The following AGBL1 variants were observed in gnomAD, a reference collection of about 807,000 sequenced individuals.
AGBL1 encodes AGBL carboxypeptidase 1.
In AGBL1, 130 loss-of-function variants were observed where a neutral mutation model predicts 118.9. The observed-to-expected ratio is 1.09, with a 90% CI of 0.95 to 1.26. AGBL1 has a LOEUF of 1.26. Among genes scored for constraint, AGBL1 ranks in the 50% most tolerant of loss-of-function variants. The pLI, the probability that AGBL1 is intolerant of heterozygous loss-of-function variation, is 0.00. For missense variants in AGBL1, 1,584 were observed against 1,298.1 expected (o/e 1.22, Z -3.38); for synonymous variants, 555 against 478.9 (o/e 1.16, Z -2.08).
intron 24 of AGBL1, among the ~76,000 whole-genome samples, chr15:87,013,304 G>T (rs2081579830): frequency 6.6e-6 from 1 of 152,082 alleles, no homozygotes; most frequent in African/African-American, 2.4e-5. Flanking sequence ...GCCAGCCCTG[G>T]TCTCTTTGTT....
chr15:86,468,914 C>T (rs935994726), intron 18 of AGBL1, among the ~76,000 whole-genome samples: 12 of 151,956 alleles, frequency 7.9e-5, no homozygotes, highest in Non-Finnish European at 1.8e-4. Flanking sequence ...GGCAGAGGGG[C>T]CTATGATTGA....
intron 18 of AGBL1, among the ~76,000 whole-genome samples, chr15:86,468,841 CT>C (rs2082440898): frequency 6.6e-6 from 1 of 152,138 alleles, no homozygotes; most frequent in South Asian, 2.1e-4. Flanking sequence ...AACTATTCAT[CT>C]TGAAGCTGAA....
chr15:86,331,402 T>G (rs2080266679), intron 17 of AGBL1, among the ~76,000 whole-genome samples: 1 of 63,158 alleles, frequency 1.6e-5, no homozygotes, highest in African/African-American at 7.4e-5. Context: ...CAAGAAAATT[T>G]CCCTAATCTT....
At chr15:86,239,804 A>G (rs571860706) in intron 6 of AGBL1, among the ~76,000 whole-genome samples, 44 of 152,306 alleles carry the variant, frequency 2.9e-4, no homozygotes, top group African/African-American at 8.4e-4. Flanking sequence ...ATCTTCCTCA[A>G]GAAGCTGGAT....
At chr15:86,555,555 G>T (rs1360154373) in intron 21 of AGBL1, among the ~76,000 whole-genome samples, 1 of 152,134 alleles carries the variant, frequency 6.6e-6, no homozygotes, top group Non-Finnish European at 1.5e-5. Context: ...TTAGTCTAAA[G>T]ACTTGTTTCA....
At chr15:86,186,449 G>A (rs987314184) in intron 5 of AGBL1, among the ~76,000 whole-genome samples, 19 of 152,188 alleles carry the variant, frequency 1.2e-4, no homozygotes, top group East Asian at 1.9e-4. Flanking sequence ...ATCAGTAAAC[G>A]TGAACAATGG....
At chr15:86,236,933 GGGGGGGGGCGGGGGGGGGC>G (rs200902482) in intron 6 of AGBL1, among the ~76,000 whole-genome samples, 3 of 17,732 alleles carry the variant, frequency 1.7e-4, no homozygotes, top group East Asian at 1.8e-3. Context: ...ATATGTGGGC[GGGGGGGGGCGGGGGGGGGC>G]GGGGGGGCGC....
chr15:86,230,050 G>A (rs1277727860), intron 6 of AGBL1, among the ~76,000 whole-genome samples: 2 of 152,118 alleles, frequency 1.3e-5, no homozygotes, highest in Non-Finnish European at 2.9e-5. Flanking sequence ...GGGAGGGAGA[G>A]ATGTAAAAGA....
At chr15:86,820,793 T>A (rs1363242073) in intron 22 of AGBL1, among the ~76,000 whole-genome samples, 1 of 151,976 alleles carries the variant, frequency 6.6e-6, no homozygotes, top group East Asian at 1.9e-4. Context: ...GGATCTAGAA[T>A]CAGAAATACC....
chr15:86,231,842 G>GAAAA (rs1335338309), intron 6 of AGBL1, among the ~76,000 whole-genome samples: 1 of 152,152 alleles, frequency 6.6e-6, no homozygotes, highest in East Asian at 1.9e-4. Context: ...ACTGGAAGCT[G>GAAAA]AAAAAAAGCT....
chr15:86,095,976 G>C (rs553124340), intron 1 of AGBL1, among the ~76,000 whole-genome samples: 1 of 151,926 alleles, frequency 6.6e-6, no homozygotes, highest in South Asian at 2.1e-4. Flanking sequence ...ATCATTTGCA[G>C]ACTACTTTTA....
At chr15:86,366,363 C>T (rs2080887642) in intron 17 of AGBL1, among the ~76,000 whole-genome samples, 2 of 152,226 alleles carry the variant, frequency 1.3e-5, no homozygotes, top group Non-Finnish European at 2.9e-5. Context: ...TTTCAGAGAT[C>T]TCTACATATT....
At chr15:86,739,523 G>A (rs539334770) in intron 22 of AGBL1, among the ~76,000 whole-genome samples, 7 of 140,936 alleles carry the variant, frequency 5.0e-5, no homozygotes, top group Middle Eastern at 3.7e-3. Flanking sequence ...TTTTTTTTTC[G>A]GGGGGAGCAA....
At chr15:86,844,626 A>G (rs1355408419) in intron 22 of AGBL1, among the ~76,000 whole-genome samples, 3 of 152,174 alleles carry the variant, frequency 2.0e-5, no homozygotes, top group Non-Finnish European at 4.4e-5. Flanking sequence ...TGTCAGATGC[A>G]TAATTTTCAA....
At chr15:87,013,370 G>C (rs1342495859) in intron 24 of AGBL1, among the ~76,000 whole-genome samples, 1 of 152,124 alleles carries the variant, frequency 6.6e-6, no homozygotes, top group East Asian at 1.9e-4. Flanking sequence ...GGGGCTTTAA[G>C]GAGCTTTAAA....
chr15:86,825,432 GCCAGA>G (rs1219702360), intron 22 of AGBL1, among the ~76,000 whole-genome samples: 1 of 65,352 alleles, frequency 1.5e-5, no homozygotes, highest in Non-Finnish European at 3.1e-5. Context: ...AAGGTTGCAA[GCCAGA>G]TATCTGGGAA....
intron 21 of AGBL1, among the ~76,000 whole-genome samples, chr15:86,583,228 T>G (rs1202597313): frequency 2.0e-5 from 3 of 152,038 alleles, no homozygotes; most frequent in Non-Finnish European, 4.4e-5. Flanking sequence ...TATTGAGTGA[T>G]GCTGAAGTTT....
chr15:86,284,511 C>G (rs2079410380), intron 16 of AGBL1, among the ~76,000 whole-genome samples: 1 of 152,060 alleles, frequency 6.6e-6, no homozygotes, highest in Non-Finnish European at 1.5e-5. Context: ...TATTCTTGTA[C>G]CTTTTATTTA....
intron 17 of AGBL1, among the ~76,000 whole-genome samples, chr15:86,391,162 G>C (rs1411586062): frequency 6.6e-6 from 1 of 151,978 alleles, no homozygotes; most frequent in Non-Finnish European, 1.5e-5. Flanking sequence ...CTGTATACAT[G>C]TGTCAAAATT....
Sources: gnomAD v4.1 joint callset for allele counts (sites outside exome capture counted in the v4.1 genomes callset) on GRCh38, gnomAD v4.1.1 for gene constraint, MANE v1.5 for transcripts, NCBI Gene and HGNC (gene_info 2026-07-23, HGNC 2026-07-21) for gene names.